RBM3: variants seen among roughly 807,000 people sequenced by gnomAD.
The protein encoded by RBM3 is RNA binding motif protein 3, also known as RNA-binding protein 3.
Under a neutral mutation model 12.0 loss-of-function variants are expected in RBM3, and 3 were observed. The observed-to-expected ratio is 0.25, with a 90% confidence interval of 0.11 to 0.65. The LOEUF is 0.65. Among genes scored for constraint, RBM3 ranks in the 30% least tolerant of loss-of-function variants. RBM3 has a pLI of 0.84. For missense variants in RBM3, 108 were observed against 134.5 expected (o/e 0.80, Z 0.97); for synonymous variants, 58 against 45.7 (o/e 1.27, Z -1.08).
rs1556989747 is a variant in RBM3 at position 48,577,912 on chromosome X, C to T, written c.*471C>T. On this transcript the variant is annotated 3_prime_UTR_variant, in exon 7 of 7. Transcript: ENST00000376759. Reference sequence around the variant, plus strand: ...CCTGACCAACATGGTGAAACCCCATCTGTACTAAACATAAAAAAATTAGCC... The same window carrying T: ...CCTGACCAACATGGTGAAACCCCATTTGTACTAAACATAAAAAAATTAGCC... 1 of 115,961 alleles carries T rather than the reference C, an allele frequency of 8.6e-6. No individual in the cohort carries two copies. Among genetic ancestry groups the T allele is most frequent in the Non-Finnish European group, 1.8e-5 (1 of 56,291 alleles). The allele number at this position is 115,961 out of a possible 1,213,427, so 9.6% of individuals were successfully genotyped here. A position where few individuals can be genotyped will look rare whatever the true frequency, so the allele number is the denominator to read the frequency against.
At chrX:48,577,186 C>G in intron 6 of RBM3, 77 bp downstream of exon 6, 1 of 1,191,670 alleles carries the variant, frequency 8.4e-7, no homozygotes, top group Non-Finnish European at 1.1e-6. Context: ...TCTGGCAAGA[C>G]TGCTCTGCAT....
Position 48,575,839 on chromosome X carries a change from A to C in RBM3, c.210+172A>C. On this transcript the variant is annotated intron_variant, in intron 3 of 6. Coordinates refer to ENST00000376759, the MANE Select transcript of RBM3 (RefSeq NM_006743.5). ...GGGGGTGGAGGGCAGCGGCAGACAGAGCCTGGCCGCCTGGGAGGCGACGAC... is the reference window on the plus strand; with the variant it reads ...GGGGGTGGAGGGCAGCGGCAGACAGCGCCTGGCCGCCTGGGAGGCGACGAC... The C allele has an allele frequency of 7.1e-6, 4 of 562,845 alleles. No homozygotes were observed. In the South Asian group the frequency reaches 1.2e-4, roughly 17 times the overall value. The allele number at this position is 562,845 out of a possible 1,213,427, so 46.4% of individuals were successfully genotyped here.
rs370625456 is a variant in RBM3 at position 48,577,075 on chromosome X, T to C, written c.463T>C (p.Tyr155His). 63 of 1,209,969 alleles carry C rather than the reference T, an allele frequency of 5.2e-5. No individual in the cohort carries two copies. The highest frequency in any genetic ancestry group is 6.9e-5 in the Non-Finnish European group (62 of 895,269). ...CTCAGGAGGAAATTACAGAGACAAT[T>C]ATGACAACTGAAATGAGACATGCAC... ...RYSGGNYRDN[Y>H]DN The change falls in exon 6 of 7, where the codon TAT becomes CAT. Residue 155 changes from tyrosine to histidine, a missense_variant. Physicochemically the swap from Tyr to His is moderately conservative, Grantham distance 83. Around this residue, in one of 2 missense-constraint regions of RBM3, gnomAD observed 65 missense variants for 54.9 expected, o/e 1.18. Coordinates refer to ENST00000376759, the MANE Select transcript of RBM3 (RefSeq NM_006743.5).
In RBM3 at chrX:48,580,816, TTAAAA is replaced by T. The variant is rs1353731672; in HGVS notation, c.*3379_*3383del. On this transcript the variant is annotated 3_prime_UTR_variant, in exon 7 of 7. Coordinates refer to ENST00000376759, the MANE Select transcript of RBM3 (RefSeq NM_006743.5). ...AGGTGTAGAACTTTTAAAAAGCTTC[TTAAAA>T]TAAGTTGCTGTGAATACTTCAGGTA... is the stretch of plus-strand genomic sequence containing the variant. 4.5e-5 allele frequency: 5 copies of T among 111,655 alleles called. No homozygotes were observed. Among genetic ancestry groups the T allele is most frequent in the African/African-American group, 1.3e-4 (4 of 30,685 alleles). The allele number at this position is 111,655 out of a possible 1,213,427, so 9.2% of individuals were successfully genotyped here.
chrX:48,579,835 T>C lies in RBM3; in HGVS notation c.*2394T>C. 8.9e-6 allele frequency: 1 copy of C among 111,885 alleles called. No individual in the cohort carries two copies. Among genetic ancestry groups the C allele is most frequent in the East Asian group, 2.8e-4 (1 of 3,590 alleles). The allele number at this position is 111,885 out of a possible 1,213,427, so 9.2% of individuals were successfully genotyped here. On this transcript the variant is annotated 3_prime_UTR_variant, in exon 7 of 7. Transcript: ENST00000376759. ...TGCTCTGCTGTGTTTACAATGTGCT[T>C]TGTGATCATCCAGCCCAGGGAGTCC...
intron 2 of RBM3, 85 bp from the exon 3 acceptor site, chrX:48,575,476 C>A: frequency 1.1e-6 from 1 of 903,017 alleles, no homozygotes; most frequent in Non-Finnish European, 1.6e-6. Context: ...CTACCTATGC[C>A]ATCTCCTTTT....
chrX:48,576,918 A>T (rs1029797328), intron 5 of RBM3, 108 bp from the exon 6 acceptor site: 8 of 967,544 alleles, frequency 8.3e-6, no homozygotes, highest in Admixed American at 6.1e-5. Flanking sequence ...TGTTTTTGAT[A>T]CGTAAGGTTT....
At chrX:48,574,867 C>T (rs1180662310) in intron 1 of RBM3, 10 of 382,097 alleles carry the variant, frequency 2.6e-5, no homozygotes, top group African/African-American at 2.2e-4. Flanking sequence ...CCATCTTGTT[C>T]TGCCGGCGTT....
chrX:48,575,976 C>T, intron 3 of RBM3: 1 of 717,641 alleles, frequency 1.4e-6, no homozygotes, highest in Non-Finnish European at 2.0e-6. Flanking sequence ...CGTGAGTCTT[C>T]TGACATGGAC....
rs781962636 is a variant in RBM3 at position 48,576,423 on chromosome X, A to G, written c.316+4A>G. On this transcript the variant is annotated splice_donor_region_variant and intron_variant, in intron 4 of 6. Coordinates refer to ENST00000376759, the MANE Select transcript of RBM3 (RefSeq NM_006743.5). ...CGTGGTCGCAGCTACTCTAGAGGTG[A>G]GTGCAGTGATCGTTTTGATCATGGG... 1.7e-6 allele frequency: 2 copies of G among 1,207,112 alleles called. No individual in the cohort carries two copies. The highest frequency in any genetic ancestry group is 2.2e-6 in the Non-Finnish European group (2 of 893,557).
chrX:48,575,137 C>T (rs782779118), intron 1 of RBM3, 31 bp from the exon 2 acceptor site: 7 of 1,041,671 alleles, frequency 6.7e-6, no homozygotes, highest in East Asian at 3.1e-5. Flanking sequence ...CTTTCTCCTT[C>T]CTGCCACCAT....
At chrX:48,576,710 C>A (rs2062081916) in intron 5 of RBM3, 106 bp downstream of exon 5, 2 of 1,064,538 alleles carry the variant, frequency 1.9e-6, no homozygotes, top group Non-Finnish European at 2.5e-6. Context: ...TAATGTGTAC[C>A]TAAAATGAGT....
rs1909297741 is a variant in RBM3, at chrX:48,579,272, GT to G, written c.*1833del. Among the ~76,000 whole-genome samples, 1 of 111,951 alleles carries G rather than the reference GT, an allele frequency of 8.9e-6. No individual in the cohort carries two copies. Among genetic ancestry groups the G allele is most frequent in the Non-Finnish European group, 1.9e-5 (1 of 53,197 alleles). ...TTTCACCTGGCTAATACTGAGCTAA[GT>G]TACCACCAGGTTGCAAACTCCAGGA... is the stretch of plus-strand genomic sequence containing the variant. On this transcript the variant is annotated 3_prime_UTR_variant, in exon 7 of 7. Transcript: ENST00000376759.
At chrX:48,574,965 C>T in intron 1 of RBM3, 1 of 452,734 alleles carries the variant, frequency 2.2e-6, no homozygotes, top group Non-Finnish European at 4.0e-6. Context: ...CGCAATGTGG[C>T]CCCCTAATGG....
intron 2 of RBM3, 69 bp from the exon 3 acceptor site, chrX:48,575,492 C>T: frequency 2.0e-6 from 2 of 1,002,713 alleles, no homozygotes; most frequent in Non-Finnish European, 2.8e-6. Flanking sequence ...CTTTTCCGGC[C>T]ACCCTTTGCT....
At chrX:48,574,777 C>T (rs2062072362) in intron 1 of RBM3, 1 of 333,123 alleles carries the variant, frequency 3.0e-6, no homozygotes, top group Non-Finnish European at 5.8e-6. Flanking sequence ...TGAGGCCTAC[C>T]GGGAGGGACT....
intron 3 of RBM3, chrX:48,576,069 G>T: frequency 8.9e-7 from 1 of 1,120,295 alleles, no homozygotes; most frequent in Non-Finnish European, 1.2e-6. Flanking sequence ...AACTCAGCCT[G>T]AGTTCAGTCA....
chrX:48,575,666 A>G lies in RBM3; in HGVS notation c.209A>G (p.Glu70Gly). Residue 70 changes from glutamate (E) to glycine (G), a missense_variant and splice_region_variant, in exon 3 of 7, where the codon GAG (glutamate) becomes GGG (glycine). This residue lies in a region of RBM3 where 43 missense variants were observed against 79.6 expected (regional missense o/e 0.54). Coordinates refer to ENST00000376759, the MANE Select transcript of RBM3 (RefSeq NM_006743.5). Reference sequence around the variant, plus strand: ...GTTGCCATGAGAGCCATGAACGGAGAGGTGGGGCCTCCTATCTGCAGAGGG... The same window carrying G: ...GTTGCCATGAGAGCCATGAACGGAGGGGTGGGGCCTCCTATCTGCAGAGGG... The part of the protein sequence containing the change: ...ASVAMRAMNG[E>G]SLDGRQIRVD... The G allele has an allele frequency of 8.3e-7, 1 of 1,204,000 alleles. No individual in the cohort carries two copies. The highest frequency in any genetic ancestry group is 1.1e-6 in the Non-Finnish European group (1 of 889,562).
In RBM3 at chrX:48,581,079, G is replaced by GC. The variant is rs1278512717; in HGVS notation, c.*3638_*3639insC. 9.8e-6 allele frequency: 1 copy of GC among 101,992 alleles called. No homozygotes were observed. Among genetic ancestry groups the GC allele is most frequent in the African/African-American group, 3.8e-5 (1 of 26,323 alleles). 8.4% of individuals were successfully genotyped at this position (101,992 alleles called of 1,213,427 possible). A position where few individuals can be genotyped will look rare whatever the true frequency, so the allele number is the denominator to read the frequency against. ...GTGCCCTGGATCTGGGGGCGGGGGG[G>GC]GGCGGGGGGAATGGGTCTTTTCTAA... On this transcript the variant is annotated 3_prime_UTR_variant, in exon 7 of 7. Coordinates refer to ENST00000376759, the MANE Select transcript of RBM3 (RefSeq NM_006743.5).
Sources: allele counts gnomAD v4.1 joint callset (sites outside exome capture counted in the v4.1 genomes callset), GRCh38; gene constraint gnomAD v4.1.1; regional missense constraint gnomAD v4.1.1; transcripts MANE v1.5; gene names NCBI Gene and HGNC (gene_info 2026-07-23, HGNC 2026-07-21).